Variants in INSYN2A observed in about 807,000 individuals in gnomAD.
The protein encoded by INSYN2A is inhibitory synaptic factor 2A, also known as family with sequence similarity 196 member A.
In INSYN2A, 17 loss-of-function variants were observed where a neutral mutation model predicts 39.4. The ratio of observed to expected loss-of-function variants is 0.43; its 90% CI spans 0.30 to 0.65. The LOEUF is 0.65. Ranked by LOEUF, INSYN2A falls within the 30% of genes least tolerant of loss-of-function variation. The probability of loss-of-function intolerance (pLI) is 0.14; values close to 1 mark genes in which losing one functional copy is unlikely to be tolerated. For synonymous variants in INSYN2A, 255 were observed against 265.7 expected (o/e 0.96, Z 0.39); for missense variants, 595 against 631.2 (o/e 0.94, Z 0.61).
At chr10:127,151,268 C>G (rs2052460239) in intron 5 of INSYN2A, among the ~76,000 whole-genome samples, 1 of 152,132 alleles carries the variant, frequency 6.6e-6, no homozygotes, top group African/African-American at 2.4e-5. Flanking sequence ...TATTTGAATA[C>G]TAGTTCATTT....
chr10:127,188,830 C>G (rs1442496515), intron 2 of INSYN2A, among the ~76,000 whole-genome samples: 2 of 152,212 alleles, frequency 1.3e-5, no homozygotes, highest in Non-Finnish European at 2.9e-5. Flanking sequence ...CAAACACCCT[C>G]TGAAGGAGAA....
At chr10:127,193,878 G>C (rs902549676) in intron 1 of INSYN2A, among the ~76,000 whole-genome samples, 3 of 152,196 alleles carry the variant, frequency 2.0e-5, no homozygotes, top group African/African-American at 4.8e-5. Flanking sequence ...GCCTCCCATA[G>C]AGCTTGCAGA....
In INSYN2A at chr10:127,175,252, C is replaced by T. The variant is rs1368633234; in HGVS notation, c.1144G>A (p.Val382Ile). Residue 382 changes from valine (V) to isoleucine (I), a missense_variant, in exon 4 of 6, where the codon GTC (valine) becomes ATC (isoleucine). Physicochemically the swap from Val to Ile is conservative, Grantham distance 29. Transcript: ENST00000522781. This position sits in a 1 kb window ranked among gnomAD's most constrained non-coding sequence, Gnocchi z 6.3. ...TCTCCTTTTTCCAACTCCTGAATGACCCCCAAGAGCACTTTGATGGTTTCT... is the reference window on the plus strand; with the variant it reads ...TCTCCTTTTTCCAACTCCTGAATGATCCCCAAGAGCACTTTGATGGTTTCT... ...SQETIKVLLGVIQELEKGEAH... is the reference protein window; with the variant it reads ...SQETIKVLLGIIQELEKGEAH... 5 of 1,614,064 alleles carry T rather than the reference C, an allele frequency of 3.1e-6. No homozygotes were observed. The Admixed American group carries it at 5.0e-5, about 16-fold the overall frequency.
intron 5 of INSYN2A, among the ~76,000 whole-genome samples, chr10:127,143,806 G>T (rs951077): frequency 0.82 from 124,025 of 152,038 alleles, 51,518 homozygotes; most frequent in South Asian, 0.92. Flanking sequence ...TGGCCACCTC[G>T]CCAGGCAATA....
chr10:127,174,221 C>G (rs1220026489), intron 4 of INSYN2A, among the ~76,000 whole-genome samples: 2 of 152,212 alleles, frequency 1.3e-5, no homozygotes, highest in Admixed American at 6.5e-5. Flanking sequence ...GAAGGGTGCA[C>G]ATCACATGAG....
At chr10:127,177,206 C>T (rs1052048222) in intron 2 of INSYN2A, 67 bp from the exon 3 acceptor site, 8 of 151,632 alleles carry the variant, frequency 5.3e-5, no homozygotes, top group South Asian at 2.1e-4. Flanking sequence ...TCACAACCTC[C>T]GAAAATGAAA....
chr10:127,191,163 C>G (rs1185432567), intron 2 of INSYN2A, among the ~76,000 whole-genome samples: 2 of 152,130 alleles, frequency 1.3e-5, no homozygotes, highest in African/African-American at 2.4e-5. Context: ...AGTGCAATCT[C>G]AAGCATCACC....
chr10:127,195,429 TGGA>T (rs1375577243), intron 1 of INSYN2A, among the ~76,000 whole-genome samples: 1 of 151,816 alleles, frequency 6.6e-6, no homozygotes, highest in African/African-American at 2.4e-5. Flanking sequence ...CCCCAGCGAG[TGGA>T]GGAGACGAGC....
At chr10:127,166,437 C>T (rs896223648) in intron 4 of INSYN2A, among the ~76,000 whole-genome samples, 7 of 152,144 alleles carry the variant, frequency 4.6e-5, no homozygotes, top group East Asian at 1.9e-4. Context: ...ATGAGTGGGC[C>T]GGTCTGACAG....
rs973403565 is a variant in INSYN2A, at chr10:127,175,545, G to A, written c.851C>T (p.Ala284Val). The change falls in exon 4 of 6, where the codon GCA becomes GTA. Residue 284 changes from alanine to valine, a missense_variant. Physicochemically the swap from Ala to Val is moderately conservative, Grantham distance 64. Transcript: ENST00000522781. This position sits in a 1 kb window ranked among gnomAD's most constrained non-coding sequence, Gnocchi z 6.3. ...TGTGGCTCTCCTCCGCTCGTCATCT[G>A]CCGGGCAGAGTGACCACTGGCTGGC... ...AAASQWSLCP[A>V]DDERRRATHL... is the part of the protein sequence containing the mutation. The A allele has an allele frequency of 6.8e-6, 11 of 1,610,992 alleles. No homozygotes were observed. The highest frequency in any genetic ancestry group is 8.5e-6 in the Non-Finnish European group (10 of 1,180,004).
At chr10:127,174,591 C>T (rs2054901617) in intron 4 of INSYN2A, among the ~76,000 whole-genome samples, 1 of 152,066 alleles carries the variant, frequency 6.6e-6, no homozygotes, top group Non-Finnish European at 1.5e-5. Flanking sequence ...ATAGGGCAGC[C>T]CGTGGGGAAG....
chr10:127,150,185 G>A (rs538854489), intron 5 of INSYN2A, among the ~76,000 whole-genome samples: 1 of 152,280 alleles, frequency 6.6e-6, no homozygotes, highest in Admixed American at 6.5e-5. Context: ...TGAGTCACCT[G>A]AATAGGTGAC....
In INSYN2A at chr10:127,175,384, T is replaced by C. The variant is rs762755076; in HGVS notation, c.1012A>G (p.Thr338Ala). The C allele has an allele frequency of 1.3e-5, 21 of 1,613,834 alleles. No individual in the cohort carries two copies. The South Asian group carries it at 2.0e-4, about 15-fold the overall frequency. The change falls in exon 4 of 6, where the codon ACA becomes GCA. Residue 338 changes from threonine (T) to alanine (A), a missense_variant. Physicochemically the swap from Thr to Ala is moderately conservative, Grantham distance 58. This residue lies in a region of INSYN2A where 478 missense variants were observed against 467.4 expected (regional missense o/e 1.02). Transcript: ENST00000522781. This position sits in a 1 kb window ranked among gnomAD's most constrained non-coding sequence, Gnocchi z 6.3. ...PPGLGNQPSPTAVAAGEECQR... is the reference protein window; with the variant it reads ...PPGLGNQPSPAAVAAGEECQR... Reference sequence around the variant, plus strand: ...CATTCTTCACCTGCAGCAACCGCTGTGGGACTAGGCTGGTTCCCCAGCCCC... The same window carrying C: ...CATTCTTCACCTGCAGCAACCGCTGCGGGACTAGGCTGGTTCCCCAGCCCC...
intron 5 of INSYN2A, chr10:127,146,022 A>C (rs779795335): frequency 1.9e-6 from 1 of 518,008 alleles, no homozygotes; most frequent in Non-Finnish European, 3.9e-6. Context: ...TCTATTCCCC[A>C]TGGAATTTCA....
In INSYN2A at chr10:127,196,359, C is replaced by A. The variant is rs2057148514; in HGVS notation, c.-757G>T. On this transcript the variant is annotated 5_prime_UTR_variant, in exon 1 of 6. Coordinates refer to ENST00000522781, the MANE Select transcript of INSYN2A (RefSeq NM_001039762.3). ...CGCGACGCGGCGGAGCCAGCCACAGCCACCCGGCTTCGCGCTCCTCCGATG... is the reference window on the plus strand; with the variant it reads ...CGCGACGCGGCGGAGCCAGCCACAGACACCCGGCTTCGCGCTCCTCCGATG... 6.7e-6 allele frequency among the ~76,000 whole-genome samples: 1 copy of A among 148,712 alleles called. No individual in the cohort carries two copies. Among genetic ancestry groups the A allele is most frequent in the Admixed American group, 6.7e-5 (1 of 14,966 alleles).
intron 4 of INSYN2A, among the ~76,000 whole-genome samples, chr10:127,160,066 T>G (rs896402681): frequency 1.6e-4 from 24 of 151,130 alleles, no homozygotes; most frequent in Non-Finnish European, 3.5e-4. Context: ...AGATGGGGCC[T>G]GAGAGGCAGG....
chr10:127,187,485 G>T (rs532523350), intron 2 of INSYN2A, among the ~76,000 whole-genome samples: 4 of 152,330 alleles, frequency 2.6e-5, no homozygotes, highest in Admixed American at 2.6e-4. Flanking sequence ...CTTTGGAGGA[G>T]AGCATAGGTG....
chr10:127,138,241 G>C (rs2083323270), intron 5 of INSYN2A, among the ~76,000 whole-genome samples: 1 of 152,190 alleles, frequency 6.6e-6, no homozygotes, highest in Admixed American at 6.5e-5. Context: ...TTCTGTAGGT[G>C]AATCTTTAAT....
In INSYN2A at chr10:127,140,444, C is replaced by T. The variant is rs780033558; in HGVS notation, c.1257-2424G>A. Among the ~76,000 whole-genome samples the T allele has an allele frequency of 7.2e-5, 11 of 152,298 alleles. No homozygotes were observed. In the East Asian group the frequency reaches 1.4e-3, roughly 19 times the overall value. On this transcript the variant is annotated intron_variant, in intron 5 of 5. Transcript: ENST00000522781. The stretch of plus-strand genomic sequence containing the variant: ...CTGCCAGCAAGTTGACCCTGAGGTC[C>T]GCCCCCCAGCCCATCTCCCCATCTG...
Sources: allele counts gnomAD v4.1 joint callset (sites outside exome capture counted in the v4.1 genomes callset), GRCh38; gene constraint gnomAD v4.1.1; regional missense constraint gnomAD v4.1.1; non-coding constraint Gnocchi (gnomAD v3.1); transcripts MANE v1.5; gene names NCBI Gene and HGNC (gene_info 2026-07-23, HGNC 2026-07-21).